The following PCLO variants were observed in gnomAD, a reference collection of about 807,000 sequenced individuals.
PCLO encodes the protein protein piccolo.
In PCLO, 82 loss-of-function variants were observed where a neutral mutation model predicts 427.5. The observed-to-expected ratio is 0.19, with a 90% confidence interval of 0.16 to 0.23. The LOEUF is 0.23. Among genes scored for constraint, PCLO ranks in the 10% least tolerant of loss-of-function variants. The probability of loss-of-function intolerance (pLI) is 1.00; values close to 1 mark genes in which losing one functional copy is unlikely to be tolerated. For synonymous variants in PCLO, 2,357 were observed against 2,155.4 expected (o/e 1.09, Z -2.59); for missense variants, 6,239 against 6,115.9 (o/e 1.02, Z -0.67).
Position 82,949,900 on chromosome 7 carries a change from C to T in PCLO, c.10688G>A (p.Gly3563Asp). 1 of 1,613,676 alleles carries T rather than the reference C, an allele frequency of 6.2e-7. No individual in the cohort carries two copies. The highest frequency in any genetic ancestry group is 1.7e-5 in the Admixed American group (1 of 59,962). Residue 3563 changes from glycine to aspartate, a missense_variant, in exon 6 of 25, where the codon GGC becomes GAC. By Grantham distance (94) the Gly-to-Asp change is moderately conservative (BLOSUM62 -1). Coordinates refer to ENST00000333891, the MANE Select transcript of PCLO (RefSeq NM_033026.6). Reference protein sequence around the residue: ...ISAPEKTYKGGSLGCQTEADS... With the variant: ...ISAPEKTYKGDSLGCQTEADS... Reference sequence around the variant, plus strand: ...TGCTTCTGTTTGACATCCTAAACTGCCCCCTTTGTAAGTCTTTTCAGGTGC... The same window carrying T: ...TGCTTCTGTTTGACATCCTAAACTGTCCCCTTTGTAAGTCTTTTCAGGTGC...
intron 6 of PCLO, among the ~76,000 whole-genome samples, chr7:82,934,222 T>A (rs934005286): frequency 1.3e-5 from 2 of 151,850 alleles, no homozygotes; most frequent in African/African-American, 4.8e-5. Flanking sequence ...TCGCTAATGA[T>A]TATCATTTCT....
intron 3 of PCLO, among the ~76,000 whole-genome samples, chr7:83,048,035 T>C (rs1032741327): frequency 3.3e-5 from 5 of 152,210 alleles, no homozygotes; most frequent in Non-Finnish European, 5.9e-5. Context: ...GAACTTTTTT[T>C]CCACAACTCC....
intron 3 of PCLO, among the ~76,000 whole-genome samples, chr7:83,051,809 T>C (rs1280117960): frequency 6.6e-6 from 1 of 152,072 alleles, no homozygotes; most frequent in Non-Finnish European, 1.5e-5. Flanking sequence ...ATACTTACTA[T>C]AAAGCTACAG....
intron 16 of PCLO, among the ~76,000 whole-genome samples, chr7:82,831,630 C>T (rs2522834): frequency 0.29 from 44,137 of 151,952 alleles, 7,984 homozygotes; most frequent in East Asian, 0.54. Flanking sequence ...ATAACCTAAA[C>T]TGATTGGACA....
intron 4 of PCLO, among the ~76,000 whole-genome samples, chr7:82,965,315 T>C (rs1264106392): frequency 6.7e-6 from 1 of 149,638 alleles, no homozygotes; most frequent in Non-Finnish European, 1.5e-5. Flanking sequence ...TTTCTTTCTT[T>C]CTTTTTTTTT....
chr7:82,919,527 C>T (rs1794548282), intron 6 of PCLO, among the ~76,000 whole-genome samples: 1 of 151,864 alleles, frequency 6.6e-6, no homozygotes, highest in Non-Finnish European at 1.5e-5. Context: ...CATAGTTCAG[C>T]TCAAAGAAAC....
At chr7:83,111,734 A>G (rs1473406841) in intron 3 of PCLO, among the ~76,000 whole-genome samples, 2 of 152,206 alleles carry the variant, frequency 1.3e-5, no homozygotes, top group African/African-American at 4.8e-5. Flanking sequence ...CTGATCTATA[A>G]AACTATGAGC....
chr7:82,980,110 T>G (rs1283080139), intron 3 of PCLO, among the ~76,000 whole-genome samples: 1 of 151,962 alleles, frequency 6.6e-6, no homozygotes, highest in Non-Finnish European at 1.5e-5. Flanking sequence ...TGAAGATACT[T>G]GAGACATCCC....
At chr7:82,809,902 T>C (rs1220679332) in intron 20 of PCLO, among the ~76,000 whole-genome samples, 1 of 151,634 alleles carries the variant, frequency 6.6e-6, no homozygotes. Context: ...ACTGGTTTGA[T>C]TGAAGGAAAT....
At chr7:82,983,779 T>G (rs934138412) in intron 3 of PCLO, among the ~76,000 whole-genome samples, 1 of 151,860 alleles carries the variant, frequency 6.6e-6, no homozygotes, top group African/African-American at 2.4e-5. Context: ...AAAAGAATCA[T>G]TTTTTCCAAA....
Position 83,135,282 on chromosome 7 carries a change from C to T in PCLO, c.2268G>A (p.Gln756=), listed in dbSNP as rs1439605390. 6.2e-7 allele frequency: 1 copy of T among 1,613,830 alleles called. No individual in the cohort carries two copies. Among genetic ancestry groups the T allele is most frequent in the Non-Finnish European group, 8.5e-7 (1 of 1,179,860 alleles). The change falls in exon 3 of 25, where the codon CAG becomes CAA. Residue 756 remains glutamine, a synonymous_variant. Coordinates refer to ENST00000333891, the MANE Select transcript of PCLO (RefSeq NM_033026.6). The part of the protein sequence containing the change: ...KAPVADDKPK[Q]PKMVKPTTDL... ...CAGTGGTTGGCTTTACCATCTTGGG[C>T]TGCTTTGGTTTATCATCAGCAACAG...
In PCLO at chr7:83,154,898, T is replaced by A. The variant is rs188795939; in HGVS notation, c.1743A>T (p.Ser581=). The A allele has an allele frequency of 6.2e-7, 1 of 1,614,046 alleles. No homozygotes were observed. The part of the protein sequence containing the change: ...TVSPSAKQPP[S]QGLPKTICPL... ...GACAGATGGTTTTAGGGAGGCCTTG[T>A]GAAGGAGGCTGTTTTGCAGATGGAG... is the stretch of plus-strand genomic sequence containing the variant. Residue 581 remains serine, a synonymous_variant, in exon 2 of 25, where the codon TCA becomes TCT. Coordinates refer to ENST00000333891, the MANE Select transcript of PCLO (RefSeq NM_033026.6).
At chr7:83,009,091 T>C (rs1207686245) in intron 3 of PCLO, among the ~76,000 whole-genome samples, 3 of 151,762 alleles carry the variant, frequency 2.0e-5, no homozygotes, top group African/African-American at 7.2e-5. Context: ...AGATAGCCTT[T>C]TTAGTGGGTA....
chr7:83,013,187 TA>T (rs376329055), intron 3 of PCLO, among the ~76,000 whole-genome samples: 1,979 of 151,940 alleles, frequency 0.013, 9 homozygotes, highest in Non-Finnish European at 0.019. Flanking sequence ...TCTGTAATGA[TA>T]AAAAAAAGTA....
At chr7:83,148,916 A>C (rs978095724) in intron 2 of PCLO, among the ~76,000 whole-genome samples, 2 of 152,220 alleles carry the variant, frequency 1.3e-5, no homozygotes, top group African/African-American at 4.8e-5. Context: ...GCAGGGGGTC[A>C]GTATCCAAGT....
rs768342202 is a variant in PCLO, at chr7:82,925,593, A to ATGT, written c.11113-8723_11113-8721dup. Among the ~76,000 whole-genome samples, 23 of 152,144 alleles carry ATGT rather than the reference A, an allele frequency of 1.5e-4. 1 individual carries two copies. The East Asian group carries it at 1.5e-3, about 10-fold the overall frequency. On this transcript the variant is annotated intron_variant, in intron 6 of 24. Coordinates refer to ENST00000333891, the MANE Select transcript of PCLO (RefSeq NM_033026.6). ...TATCTTACACACAATACCATTAGTA[A>ATGT]TGTGTTGCCAAAATAGACCCATTAT...
rs530508311 is a variant in PCLO, at chr7:83,034,414, C to A, written c.3301-67927G>T. The stretch of plus-strand genomic sequence containing the variant: ...ATGTTGGCCAAGCTGGTCTTGAACT[C>A]CTGGCCTCAAGCGATCTGCTTGCCT... On this transcript the variant is annotated intron_variant, in intron 3 of 24. Transcript: ENST00000333891. 4.2e-4 allele frequency among the ~76,000 whole-genome samples: 64 copies of A among 152,316 alleles called. 1 individual carries two copies. The highest frequency in any genetic ancestry group is 1.3e-3 in the African/African-American group (56 of 41,576).
rs1410744524 is a variant in PCLO, at chr7:83,162,619, G to A, written c.-27C>T. On this transcript the variant is annotated 5_prime_UTR_variant, in exon 1 of 25. Coordinates refer to ENST00000333891, the MANE Select transcript of PCLO (RefSeq NM_033026.6). ...GCTCAGGGAGACTCGGGGCCGCCGC[G>A]CTCCCTCCTCGCGCCGCGTCCCAGT... 1.6e-5 allele frequency: 24 copies of A among 1,511,344 alleles called. No homozygotes were observed. Among genetic ancestry groups the A allele is most frequent in the Non-Finnish European group, 1.4e-5 (16 of 1,132,948 alleles). 93.6% of individuals were successfully genotyped at this position (1,511,344 alleles called of 1,614,324 possible). A position where few individuals can be genotyped will look rare whatever the true frequency, so the allele number is the denominator to read the frequency against.
chr7:83,103,735 TAA>T (rs1185496306), intron 3 of PCLO, among the ~76,000 whole-genome samples: 1 of 151,930 alleles, frequency 6.6e-6, no homozygotes, highest in Non-Finnish European at 1.5e-5. Context: ...ATATAAAGAT[TAA>T]GAGTAAATCA....
Sources: allele counts gnomAD v4.1 joint callset (sites outside exome capture counted in the v4.1 genomes callset), GRCh38; gene constraint gnomAD v4.1.1; transcripts MANE v1.5; gene names NCBI Gene and HGNC (gene_info 2026-07-23, HGNC 2026-07-21).